Variants in C17orf113 observed in about 807,000 individuals in gnomAD.
The protein encoded by C17orf113 is uncharacterized protein C17orf113.
A neutral mutation model predicts 11.6 loss-of-function variants in C17orf113; 5 were observed. That is an observed-to-expected ratio of 0.43 (90% CI 0.23 to 0.91). The LOEUF (loss-of-function observed/expected upper bound fraction) is 0.91. Ranked by LOEUF, C17orf113 falls within the 40% of genes least tolerant of loss-of-function variation. The pLI, the probability that C17orf113 is intolerant of heterozygous loss-of-function variation, is 0.26. For missense variants in C17orf113, 714 were observed against 841.3 expected (o/e 0.85, Z 1.87); for synonymous variants, 327 against 390.6 (o/e 0.84, Z 1.92).
intron 1 of C17orf113, among the ~76,000 whole-genome samples, chr17:42,046,655 G>T (rs191112499): frequency 6.6e-6 from 1 of 152,082 alleles, no homozygotes; most frequent in Admixed American, 6.6e-5. Context: ...AGAGGCCAAG[G>T]CAGGAGGATC....
At chr17:42,049,417 C>T (rs1483745912) in intron 1 of C17orf113, among the ~76,000 whole-genome samples, 1 of 152,228 alleles carries the variant, frequency 6.6e-6, no homozygotes, top group East Asian at 1.9e-4. Context: ...CTAACTTCTT[C>T]ATGTCTGAAT....
chr17:42,049,538 CA>C (rs2053241657), intron 1 of C17orf113, among the ~76,000 whole-genome samples: 1 of 152,196 alleles, frequency 6.6e-6, no homozygotes, highest in Non-Finnish European at 1.5e-5. Context: ...AGCCCTTGGG[CA>C]CCTTTTAGGT....
rs2052983336 is a variant in C17orf113 at position 42,040,259 on chromosome 17, C to A, written c.1474G>T (p.Gly492Ter). ...AAVRGLEWLRGSFLDSMRKGL... is the reference protein window; with the variant it reads ...AAVRGLEWLR ...TTCCGCATGGAGTCCAGGAAGGATC[C>A]CCGGAGCCACTCCAAGCCCCGGACC... The change falls in exon 3 of 3, where the codon GGA (glycine) becomes TGA (stop). Residue 492 changes from glycine to a stop codon, truncating the protein, a stop_gained. Transcript: ENST00000587304. LOFTEE classifies it low-confidence loss of function (END_TRUNC). 8.1e-7 allele frequency: 1 copy of A among 1,231,624 alleles called. No homozygotes were observed. The highest frequency in any genetic ancestry group is 1.0e-6 in the Non-Finnish European group (1 of 987,870). The allele number at this position is 1,231,624 out of a possible 1,614,324, so 76.3% of individuals were successfully genotyped here.
chr17:42,043,434 C>T lies in C17orf113; in HGVS notation c.-58G>A. Reference sequence around the variant, plus strand: ...CACCTGAATGCTCTTGCCCCCCTGCCTCCCCCACACACAGGCACCTCCCTT... The same window carrying T: ...CACCTGAATGCTCTTGCCCCCCTGCTTCCCCCACACACAGGCACCTCCCTT... On this transcript the variant is annotated 5_prime_UTR_variant, in exon 2 of 3. Coordinates refer to ENST00000587304, the MANE Select transcript of C17orf113 (RefSeq NM_001358661.2). 1 of 1,219,900 alleles carries T rather than the reference C, an allele frequency of 8.2e-7. No homozygotes were observed. Among genetic ancestry groups the T allele is most frequent in the Non-Finnish European group, 1.0e-6 (1 of 977,412 alleles). The allele number at this position is 1,219,900 out of a possible 1,614,324, so 75.6% of individuals were successfully genotyped here. A position where few individuals can be genotyped will look rare whatever the true frequency, so the allele number is the denominator to read the frequency against.
chr17:42,047,882 T>C (rs2053201071), intron 1 of C17orf113, among the ~76,000 whole-genome samples: 1 of 151,810 alleles, frequency 6.6e-6, no homozygotes, highest in Non-Finnish European at 1.5e-5. Context: ...CTCGAACTCC[T>C]GACCTCGTGA....
At chr17:42,042,394 T>C (rs1378764327) in intron 2 of C17orf113, among the ~76,000 whole-genome samples, 5 of 152,052 alleles carry the variant, frequency 3.3e-5, no homozygotes, top group African/African-American at 9.7e-5. Flanking sequence ...TGGTGGCACA[T>C]GCCTATATTC....
Position 42,039,901 on chromosome 17 carries a change from G to C in C17orf113, c.1832C>G (p.Ala611Gly), listed in dbSNP as rs1268572090. ...AALALALPAG[A>G]GLLDKVGRSR... is the part of the protein sequence containing the mutation. ...GCGGCCGACCTTGTCCAGCAGGCCA[G>C]CGCCCGCGGGCAGCGCCAAAGCCAA... Residue 611 changes from alanine (A) to glycine (G), a missense_variant, in exon 3 of 3, where the codon GCT becomes GGT. Coordinates refer to ENST00000587304, the MANE Select transcript of C17orf113 (RefSeq NM_001358661.2). The C allele has an allele frequency of 1.6e-6, 2 of 1,231,230 alleles. No individual in the cohort carries two copies. Among genetic ancestry groups the C allele is most frequent in the African/African-American group, 1.6e-5 (1 of 64,400 alleles). The allele number at this position is 1,231,230 out of a possible 1,614,324, so 76.3% of individuals were successfully genotyped here.
chr17:42,047,526 G>A (rs890962508), intron 1 of C17orf113, among the ~76,000 whole-genome samples: 2 of 152,126 alleles, frequency 1.3e-5, no homozygotes, highest in Non-Finnish European at 2.9e-5. Context: ...ATGTATACCA[G>A]TGCCCTGTGT....
At position 42,038,763 on chromosome 17, in the gene C17orf113, A is replaced by T. The variant is rs1203568789; in HGVS notation, c.*942T>A. On this transcript the variant is annotated 3_prime_UTR_variant, in exon 3 of 3. Transcript: ENST00000587304. ...GGTTTTTATGTCTATATACACAGTT[A>T]TACACAGAAAAGGCCTGAGGCTGCC... 6.6e-6 allele frequency: 1 copy of T among 152,272 alleles called. No individual in the cohort carries two copies. Among genetic ancestry groups the T allele is most frequent in the East Asian group, 1.9e-4 (1 of 5,200 alleles). 9.4% of individuals were successfully genotyped at this position (152,272 alleles called of 1,614,324 possible).
At position 42,040,788 on chromosome 17, in the gene C17orf113, G is replaced by A; in HGVS notation, c.945C>T (p.Ser315=). Residue 315 remains serine (S), a synonymous_variant, in exon 3 of 3, where the codon AGC becomes AGT. Coordinates refer to ENST00000587304, the MANE Select transcript of C17orf113 (RefSeq NM_001358661.2). ...GGAGGCGGAATAGGGCATCCAATAT[G>A]CTCTCATATTGACCCAAGTAGGCCG... ...EPPAYLGQYE[S]ILDALFRLHG... 1 of 1,232,340 alleles carries A rather than the reference G, an allele frequency of 8.1e-7. No homozygotes were observed. The highest frequency in any genetic ancestry group is 1.0e-6 in the Non-Finnish European group (1 of 988,074). 76.3% of individuals were successfully genotyped at this position (1,232,340 alleles called of 1,614,324 possible).
rs1380349996 is a variant in C17orf113, at chr17:42,040,227, T to C, written c.1506A>G (p.Leu502=). The C allele has an allele frequency of 2.0e-5, 25 of 1,231,542 alleles. No homozygotes were observed. The highest frequency in any genetic ancestry group is 2.3e-5 in the Non-Finnish European group (23 of 987,818). 76.3% of individuals were successfully genotyped at this position (1,231,542 alleles called of 1,614,324 possible). The part of the protein sequence containing the change: ...GSFLDSMRKG[L]QDSYPGPSLD... The stretch of plus-strand genomic sequence containing the variant: ...GCGAAGGCCCGGGGTAGGAGTCCTG[T>C]AGGCCCTTCCGCATGGAGTCCAGGA... Residue 502 remains leucine, a synonymous_variant, in exon 3 of 3, where the codon CTA becomes CTG. Coordinates refer to ENST00000587304, the MANE Select transcript of C17orf113 (RefSeq NM_001358661.2).
rs146078732 is a variant in C17orf113 at position 42,041,112 on chromosome 17, G to A, written c.621C>T (p.Asp207=). The A allele has an allele frequency of 6.1e-4, 753 of 1,232,248 alleles. 4 individuals are homozygous for A. The African/African-American group carries it at 0.011, about 18-fold the overall frequency. The allele number at this position is 1,232,248 out of a possible 1,614,324, so 76.3% of individuals were successfully genotyped here. The change falls in exon 3 of 3, where the codon GAC becomes GAT. Residue 207 remains aspartate (D), a synonymous_variant. Transcript: ENST00000587304. Reference sequence around the variant, plus strand: ...GTGACTCCGGCCAGTCTCTGGTCTCGTCCAACACCAGCCCCACATATGGGG... The same window carrying A: ...GTGACTCCGGCCAGTCTCTGGTCTCATCCAACACCAGCCCCACATATGGGG... The part of the protein sequence containing the change: ...KASPYVGLVL[D]ETRDWPESHS...
intron 2 of C17orf113, among the ~76,000 whole-genome samples, chr17:42,042,061 C>T (rs1378634164): frequency 2.6e-5 from 4 of 152,128 alleles, no homozygotes; most frequent in African/African-American, 9.7e-5. Context: ...ATTAAACAGG[C>T]TCAGCACAGA....
At position 42,041,068 on chromosome 17, in the gene C17orf113, G is replaced by A; in HGVS notation, c.665C>T (p.Ala222Val). 8.1e-7 allele frequency: 1 copy of A among 1,232,338 alleles called. No individual in the cohort carries two copies. Among genetic ancestry groups the A allele is most frequent in the African/African-American group, 1.5e-5 (1 of 64,552 alleles). The allele number at this position is 1,232,338 out of a possible 1,614,324, so 76.3% of individuals were successfully genotyped here. The change falls in exon 3 of 3, where the codon GCC (alanine) becomes GTC (valine). Residue 222 changes from alanine (A) to valine (V), a missense_variant. This residue lies in a region of C17orf113 where 516 missense variants were observed against 626.6 expected (regional missense o/e 0.82). Coordinates refer to ENST00000587304, the MANE Select transcript of C17orf113 (RefSeq NM_001358661.2). ...GCCATCACAGGGGGACACTGAAGTG[G>A]CAAACAGGGCCAGGCTGTGTGACTC... is the stretch of plus-strand genomic sequence containing the variant. The part of the protein sequence containing the change: ...WPESHSLALF[A>V]TSVSPCDGQP...
At position 42,039,969 on chromosome 17, in the gene C17orf113, C is replaced by T. The variant is rs1293137819; in HGVS notation, c.1764G>A (p.Ser588=). The change falls in exon 3 of 3, where the codon TCG becomes TCA. Residue 588 remains serine (S), a synonymous_variant. Transcript: ENST00000587304. Reference sequence around the variant, plus strand: ...AGTCGGGGAAGAGCTCGTGCAGCTCCGAGTGCGCGCACGCCAGCTGGGTGC... The same window carrying T: ...AGTCGGGGAAGAGCTCGTGCAGCTCTGAGTGCGCGCACGCCAGCTGGGTGC... ...ALCTQLACAH[S]ELHELFPDFA... 11 of 1,230,952 alleles carry T rather than the reference C, an allele frequency of 8.9e-6. No homozygotes were observed. The highest frequency in any genetic ancestry group is 3.1e-5 in the African/African-American group (2 of 64,372). 76.3% of individuals were successfully genotyped at this position (1,230,952 alleles called of 1,614,324 possible). A position where few individuals can be genotyped will look rare whatever the true frequency, so the allele number is the denominator to read the frequency against.
rs1179688831 is a variant in C17orf113 at position 42,043,088 on chromosome 17, G to A, written c.289C>T (p.Pro97Ser). 1.6e-6 allele frequency: 2 copies of A among 1,232,110 alleles called. No homozygotes were observed. Among genetic ancestry groups the A allele is most frequent in the African/African-American group, 1.6e-5 (1 of 64,430 alleles). The allele number at this position is 1,232,110 out of a possible 1,614,324, so 76.3% of individuals were successfully genotyped here. The change falls in exon 2 of 3, where the codon CCT (proline) becomes TCT (serine). Residue 97 changes from proline to serine, a missense_variant. Pro to Ser is a moderately conservative substitution (Grantham distance 74). Coordinates refer to ENST00000587304, the MANE Select transcript of C17orf113 (RefSeq NM_001358661.2). The stretch of plus-strand genomic sequence containing the variant: ...CCACCTTCAGCCTGGCCCTCAAAAG[G>A]GGGCTGGCCCTGGTTGACAGCCAGA... Reference protein sequence around the residue: ...QALAVNQGQPPFEGQAEGGGA... With the variant: ...QALAVNQGQPSFEGQAEGGGA...
chr17:42,048,826 G>T (rs1400709403), intron 1 of C17orf113, among the ~76,000 whole-genome samples: 1 of 151,866 alleles, frequency 6.6e-6, no homozygotes, highest in Admixed American at 6.6e-5. Context: ...CTGCACACTG[G>T]GTTTCCATTC....
rs71157603 is a variant in C17orf113, at chr17:42,044,918, C to CTT, written c.-187-1357_-187-1356dup. Among the ~76,000 whole-genome samples the CTT allele has an allele frequency of 4.0e-3, 529 of 132,558 alleles. 4 individuals are homozygous for CTT. Among genetic ancestry groups the CTT allele is most frequent in the African/African-American group, 6.6e-3 (235 of 35,824 alleles). 87.0% of individuals were successfully genotyped at this position (132,558 alleles called of 152,430 possible). A position where few individuals can be genotyped will look rare whatever the true frequency, so the allele number is the denominator to read the frequency against. ...ATTGGCCAAAACCTGCCAACTCTAC[C>CTT]TTTTTTTTTTTTTTTTTGAGACAGA... is the stretch of plus-strand genomic sequence containing the variant. On this transcript the variant is annotated intron_variant, in intron 1 of 2. Transcript: ENST00000587304.
intron 2 of C17orf113, 38 bp from the exon 3 acceptor site, chr17:42,041,227 G>A: frequency 8.1e-7 from 1 of 1,231,940 alleles, no homozygotes; most frequent in Non-Finnish European, 1.0e-6. Context: ...GGAGGACTGA[G>A]TTAGGCTTGT....
Sources: allele counts gnomAD v4.1 joint callset (sites outside exome capture counted in the v4.1 genomes callset), GRCh38; gene constraint gnomAD v4.1.1; regional missense constraint gnomAD v4.1.1; transcripts MANE v1.5; gene names NCBI Gene and HGNC (gene_info 2026-07-23, HGNC 2026-07-21).